Variants in AGR3 observed in about 807,000 individuals in gnomAD.
AGR3 encodes anterior gradient protein 3.
A neutral mutation model predicts 24.5 loss-of-function variants in AGR3; 37 were observed. The observed-to-expected ratio is 1.51, with a 90% confidence interval of 1.16 to 1.99. The LOEUF (loss-of-function observed/expected upper bound fraction) is 1.99, where lower values mean the gene tolerates loss of function less well. AGR3 is among the 30% of genes most tolerant of loss of function. The pLI, the probability that AGR3 is intolerant of heterozygous loss-of-function variation, is 0.00. For synonymous variants in AGR3, 75 were observed against 61.6 expected (o/e 1.22, Z -1.02); for missense variants, 228 against 191.1 (o/e 1.19, Z -1.14).
chr7:16,864,905 T>C (rs1317996915), intron 3 of AGR3: 3 of 901,180 alleles, frequency 3.3e-6, no homozygotes, highest in Admixed American at 1.7e-5. Flanking sequence ...TCACTGGCTC[T>C]CACAATATCA....
At chr7:16,856,974 A>G (rs958352810), downstream of AGR3, among the ~76,000 whole-genome samples, 4 of 115,182 alleles carry the variant, frequency 3.5e-5, no homozygotes, top group East Asian at 1.1e-3. Flanking sequence ...CAATATAGAA[A>G]GGTTTTTTTT....
At chr7:16,877,510 A>G (rs1292182043) in intron 2 of AGR3, among the ~76,000 whole-genome samples, 1 of 151,802 alleles carries the variant, frequency 6.6e-6, no homozygotes, top group East Asian at 1.9e-4. Context: ...GAATAGCTAT[A>G]TGGGGACAAA....
chr7:16,857,740 C>A (rs904174931), downstream of AGR3, among the ~76,000 whole-genome samples: 4 of 151,956 alleles, frequency 2.6e-5, no homozygotes, highest in Non-Finnish European at 5.9e-5. Context: ...ATCATGTAAC[C>A]TATTTATATC....
At chr7:16,858,110 C>G (rs138809564), downstream of AGR3, among the ~76,000 whole-genome samples, 569 of 152,018 alleles carry the variant, frequency 3.7e-3, 6 homozygotes, top group African/African-American at 0.013. Context: ...GCCTCAGCCT[C>G]CTGAGTAGCT....
chr7:16,855,504 C>A (rs73680475), downstream of AGR3, among the ~76,000 whole-genome samples: 1 of 152,062 alleles, frequency 6.6e-6, no homozygotes. Context: ...ATTGTGGGTG[C>A]TCTCCACAAT....
chr7:16,863,919 C>T (rs2115301726), intron 3 of AGR3, among the ~76,000 whole-genome samples: 1 of 152,136 alleles, frequency 6.6e-6, no homozygotes, highest in East Asian at 1.9e-4. Flanking sequence ...TTGTATAGTT[C>T]ATATTTACAG....
chr7:16,872,709 A>G (rs981379841), intron 3 of AGR3, among the ~76,000 whole-genome samples: 3 of 152,220 alleles, frequency 2.0e-5, no homozygotes, highest in East Asian at 3.9e-4. Context: ...TTCATTCGAC[A>G]TGGGCCTATA....
At chr7:16,865,136 G>A (rs1216069497) in intron 3 of AGR3, 21 of 736,166 alleles carry the variant, frequency 2.9e-5, no homozygotes, top group South Asian at 1.1e-4. Flanking sequence ...ACAGAGAAAC[G>A]TCTTTGCCAC....
chr7:16,863,661 C>G (rs1186539631), intron 3 of AGR3, among the ~76,000 whole-genome samples: 1 of 151,878 alleles, frequency 6.6e-6, no homozygotes, highest in Non-Finnish European at 1.5e-5. Flanking sequence ...AACAAAAATA[C>G]TAGCACACAA....
At chr7:16,857,450 G>C (rs1781568941), downstream of AGR3, among the ~76,000 whole-genome samples, 1 of 152,038 alleles carries the variant, frequency 6.6e-6, no homozygotes, top group Admixed American at 6.6e-5. Flanking sequence ...AAACTAAATT[G>C]TCAGCTGATC....
At chr7:16,864,500 T>G (rs1386394455) in intron 3 of AGR3, 6 of 1,260,190 alleles carry the variant, frequency 4.8e-6, no homozygotes, top group Non-Finnish European at 7.0e-6. Flanking sequence ...CCATGTTCCC[T>G]GTCAGTCAGG....
chr7:16,871,393 T>C (rs1043403022), intron 3 of AGR3, among the ~76,000 whole-genome samples: 1 of 152,206 alleles, frequency 6.6e-6, no homozygotes, highest in Non-Finnish European at 1.5e-5. Flanking sequence ...AAAACTAAAA[T>C]GCTTTTTTTT....
At chr7:16,866,187 C>T (rs1463966190) in intron 3 of AGR3, 2 of 532,234 alleles carry the variant, frequency 3.8e-6, no homozygotes, top group South Asian at 1.5e-5. Flanking sequence ...GTTATTCACA[C>T]CTAATGATGT....
At chr7:16,879,026 A>G (rs1019139823) in intron 1 of AGR3, among the ~76,000 whole-genome samples, 1 of 152,236 alleles carries the variant, frequency 6.6e-6, no homozygotes, top group South Asian at 2.1e-4. Flanking sequence ...AGCATGCAGA[A>G]ATATTCTTTG....
At position 16,859,454 on chromosome 7, in the gene AGR3, A is replaced by T. The variant is rs777299699; in HGVS notation, c.*128T>A. ...TTATTTTAATAAGACTATTGCAAAC[A>T]CATTAAAAAAACTAAATAGTAATAT... On this transcript the variant is annotated 3_prime_UTR_variant, in exon 8 of 8. Transcript: ENST00000310398. The T allele has an allele frequency of 1.4e-5, 9 of 640,188 alleles. No homozygotes were observed. Among genetic ancestry groups the T allele is most frequent in the Non-Finnish European group, 1.9e-5 (7 of 372,252 alleles). The allele number at this position is 640,188 out of a possible 1,614,324, so 39.7% of individuals were successfully genotyped here.
At chr7:16,859,873 T>C (rs1160958556) in intron 7 of AGR3, among the ~76,000 whole-genome samples, 2 of 150,816 alleles carry the variant, frequency 1.3e-5, no homozygotes, top group African/African-American at 4.9e-5. Flanking sequence ...GGAGTACCTC[T>C]TTTTTTTTAA....
rs1299633136 is a variant in AGR3 at position 16,859,509 on chromosome 7, ATT to A, written c.*71_*72del. The A allele has an allele frequency of 1.0e-6, 1 of 991,822 alleles. No individual in the cohort carries two copies. Among genetic ancestry groups the A allele is most frequent in the African/African-American group, 1.6e-5 (1 of 62,232 alleles). The allele number at this position is 991,822 out of a possible 1,614,324, so 61.4% of individuals were successfully genotyped here. ...AAATCTATATACTTGCACATTTAGT[ATT>A]TGTCAATGTGCCAGAGGTTTTCTTC... On this transcript the variant is annotated 3_prime_UTR_variant, in exon 8 of 8. Transcript: ENST00000310398.
downstream of AGR3, chr7:16,859,287 G>A: frequency 9.2e-6 from 2 of 217,114 alleles, no homozygotes; most frequent in Admixed American, 5.9e-5. Context: ...TGGAGTGAAG[G>A]AGAGGTGAAG....
chr7:16,878,443 A>G, intron 2 of AGR3, 67 bp downstream of exon 2: 1 of 1,367,500 alleles, frequency 7.3e-7, no homozygotes, highest in Non-Finnish European at 1.0e-6. Context: ...CTATGAGTGA[A>G]GACACCAGAT....
Sources: gnomAD v4.1 joint callset for allele counts (sites outside exome capture counted in the v4.1 genomes callset) on GRCh38, gnomAD v4.1.1 for gene constraint, MANE v1.5 for transcripts, NCBI Gene and HGNC (gene_info 2026-07-23, HGNC 2026-07-21) for gene names.